The following GLIS3 variants were observed in gnomAD, a reference collection of about 807,000 sequenced individuals.
GLIS3 encodes GLIS family zinc finger 3.
Under a neutral mutation model 78.6 loss-of-function variants are expected in GLIS3, and 53 were observed. The ratio of observed to expected loss-of-function variants is 0.67; its 90% CI spans 0.54 to 0.85. The LOEUF is 0.85. GLIS3 is among the 40% of genes least tolerant of loss of function. The pLI is 0.00. For missense variants in GLIS3, 1,703 were observed against 1,231.1 expected (o/e 1.38, Z -5.74); for synonymous variants, 684 against 509.9 (o/e 1.34, Z -4.60).
At chr9:4,274,509 G>A (rs575853670) in intron 2 of GLIS3, among the ~76,000 whole-genome samples, 1 of 152,194 alleles carries the variant, frequency 6.6e-6, no homozygotes, top group South Asian at 2.1e-4. Flanking sequence ...CCTCTTGCAA[G>A]TCCCCATCCC....
intron 2 of GLIS3, among the ~76,000 whole-genome samples, chr9:4,247,887 A>G (rs1016383593): frequency 6.6e-6 from 1 of 152,140 alleles, no homozygotes; most frequent in Admixed American, 6.5e-5. Flanking sequence ...CACTTCATTG[A>G]TACTTTTGTG....
At chr9:4,053,079 C>G (rs1023474514) in intron 4 of GLIS3, among the ~76,000 whole-genome samples, 3 of 152,186 alleles carry the variant, frequency 2.0e-5, no homozygotes, top group Non-Finnish European at 4.4e-5. Flanking sequence ...TCCTGAGTAG[C>G]TGGGACCACA....
At chr9:4,341,721 C>A (rs1320722707) in intron 2 of GLIS3, among the ~76,000 whole-genome samples, 1 of 152,234 alleles carries the variant, frequency 6.6e-6, no homozygotes, top group Non-Finnish European at 1.5e-5. Context: ...ACTCTGCCTT[C>A]CCTCCTATGA....
At chr9:4,232,874 T>G (rs879460802) in intron 2 of GLIS3, among the ~76,000 whole-genome samples, 1 of 152,216 alleles carries the variant, frequency 6.6e-6, no homozygotes, top group South Asian at 2.1e-4. Flanking sequence ...CCAGGGAACT[T>G]TGACCATCCC....
the GLIS3 span, among the ~76,000 whole-genome samples, chr9:4,377,703 A>T: frequency 1.3e-5 from 2 of 152,286 alleles, no homozygotes; most frequent in Admixed American, 6.5e-5. Context: ...GACACTAATA[A>T]TATTATTGTT....
At chr9:4,222,890 G>A (rs1323236863) in intron 2 of GLIS3, among the ~76,000 whole-genome samples, 1 of 152,194 alleles carries the variant, frequency 6.6e-6, no homozygotes, top group African/African-American at 2.4e-5. Context: ...TCACGAAGCT[G>A]CACTGAGCAG....
At chr9:4,205,325 G>T (rs1212573204) in intron 2 of GLIS3, among the ~76,000 whole-genome samples, 1 of 152,108 alleles carries the variant, frequency 6.6e-6, no homozygotes, top group Non-Finnish European at 1.5e-5. Context: ...TGGATTTACA[G>T]CTCCAAGGCT....
intron 2 of GLIS3, among the ~76,000 whole-genome samples, chr9:4,214,830 T>C (rs1168574216): frequency 6.6e-6 from 1 of 152,118 alleles, no homozygotes; most frequent in Admixed American, 6.5e-5. Flanking sequence ...ATGCATTTCA[T>C]AGGCTGGAAA....
chr9:4,110,203 A>G (rs1831099304), intron 4 of GLIS3, among the ~76,000 whole-genome samples: 1 of 152,162 alleles, frequency 6.6e-6, no homozygotes, highest in Non-Finnish European at 1.5e-5. Context: ...ATATACCCTA[A>G]TTTTTTCCAG....
At chr9:3,849,193 G>T (rs1314626458) in intron 9 of GLIS3, among the ~76,000 whole-genome samples, 4 of 152,156 alleles carry the variant, frequency 2.6e-5, no homozygotes, top group African/African-American at 9.7e-5. Flanking sequence ...GGAAGAGATG[G>T]GAAAACATGG....
At chr9:4,002,162 T>A (rs530070747) in intron 4 of GLIS3, among the ~76,000 whole-genome samples, 1 of 152,146 alleles carries the variant, frequency 6.6e-6, no homozygotes, top group Non-Finnish European at 1.5e-5. Flanking sequence ...CATTGAGTAG[T>A]AGGAGATGTG....
chr9:3,985,339 G>C (rs375468328), intron 4 of GLIS3, among the ~76,000 whole-genome samples: 4 of 152,044 alleles, frequency 2.6e-5, no homozygotes, highest in South Asian at 4.2e-4. Context: ...GTAGAAACAG[G>C]GTTTCACCGT....
intron 1 of GLIS3, among the ~76,000 whole-genome samples, chr9:4,292,707 G>A (rs1198601886): frequency 6.6e-6 from 1 of 152,152 alleles, no homozygotes; most frequent in Non-Finnish European, 1.5e-5. Context: ...GACAGAATAA[G>A]GATCAAAATT....
chr9:4,359,169 T>A, the GLIS3 span, among the ~76,000 whole-genome samples: 1 of 152,136 alleles, frequency 6.6e-6, no homozygotes, highest in Non-Finnish European at 1.5e-5. Context: ...TTCCAGTATG[T>A]CCCACACCCT....
At chr9:4,358,141 T>G in the GLIS3 span, among the ~76,000 whole-genome samples, 4 of 152,220 alleles carry the variant, frequency 2.6e-5, no homozygotes, top group Non-Finnish European at 4.4e-5. Flanking sequence ...TATCCATATG[T>G]ATATATGTGT....
the GLIS3 span, among the ~76,000 whole-genome samples, chr9:4,364,755 G>T: frequency 0.033 from 508 of 15,336 alleles, 6 homozygotes; most frequent in African/African-American, 0.068. Context: ...ATCATGTATT[G>T]CTTTTTTTTT....
chr9:4,353,228 C>T (rs530925972), upstream of GLIS3, among the ~76,000 whole-genome samples: 10 of 152,308 alleles, frequency 6.6e-5, no homozygotes, highest in East Asian at 1.7e-3. Flanking sequence ...ACTTCTGTAC[C>T]CTACCAGCCA....
intron 6 of GLIS3, among the ~76,000 whole-genome samples, chr9:3,911,059 C>T (rs1369418329): frequency 2.6e-5 from 4 of 152,140 alleles, no homozygotes; most frequent in Admixed American, 6.5e-5. Flanking sequence ...CTCATACAAC[C>T]TAAATAGTTA....
chr9:4,086,813 C>T (rs1416167960), intron 4 of GLIS3, among the ~76,000 whole-genome samples: 1 of 152,212 alleles, frequency 6.6e-6, no homozygotes, highest in Admixed American at 6.5e-5. Context: ...TGAATAACCC[C>T]TGTGGAGATT....
Sources: gnomAD v4.1 joint callset for allele counts (sites outside exome capture counted in the v4.1 genomes callset) on GRCh38, gnomAD v4.1.1 for gene constraint, MANE v1.5 for transcripts, NCBI Gene and HGNC (gene_info 2026-07-23, HGNC 2026-07-21) for gene names.